Variants in R3HCC1L observed in about 807,000 individuals in gnomAD.
R3HCC1L encodes the protein coiled-coil domain-containing protein R3HCC1L.
In R3HCC1L, 51 loss-of-function variants were observed where a neutral mutation model predicts 59.9. The observed-to-expected ratio is 0.85, with a 90% CI of 0.68 to 1.07. The LOEUF (loss-of-function observed/expected upper bound fraction) is 1.07, where lower values mean the gene tolerates loss of function less well. R3HCC1L is among the 50% of genes least tolerant of loss of function. The probability of loss-of-function intolerance (pLI) is 0.00; values close to 1 mark genes in which losing one functional copy is unlikely to be tolerated. For missense variants in R3HCC1L, 965 were observed against 933.0 expected, an observed-to-expected ratio of 1.03 and a Z score of -0.45; for synonymous variants, 322 against 315.2, an observed-to-expected ratio of 1.02 and a Z score of -0.23.
At chr10:98,164,799 AAGTG>A (rs1847776367) in intron 4 of R3HCC1L, among the ~76,000 whole-genome samples, 1 of 152,144 alleles carries the variant, frequency 6.6e-6, no homozygotes. Context: ...GGAGGGGAAG[AAGTG>A]AGAGAAGAGC....
chr10:98,190,460 C>T (rs1251916482), intron 4 of R3HCC1L, among the ~76,000 whole-genome samples: 1 of 152,042 alleles, frequency 6.6e-6, no homozygotes, highest in East Asian at 1.9e-4. Context: ...ATTTTCTATG[C>T]CTGTTGTATA....
At chr10:98,170,443 A>G (rs978074830) in intron 4 of R3HCC1L, among the ~76,000 whole-genome samples, 1 of 152,026 alleles carries the variant, frequency 6.6e-6, no homozygotes, top group African/African-American at 2.4e-5. Flanking sequence ...TCAGCCTTCC[A>G]AGTAGTGAGG....
rs569736465 is a variant in R3HCC1L at position 98,193,370 on chromosome 10, C to CA, written c.-14-14723dup. Among the ~76,000 whole-genome samples the CA allele has an allele frequency of 2.4e-3, 352 of 149,186 alleles. 1 individual carries two copies. The highest frequency in any genetic ancestry group is 8.1e-3 in the African/African-American group (331 of 40,666). On this transcript the variant is annotated intron_variant, in intron 4 of 9. Transcript: ENST00000298999. ...TGACTTGGTTTTACGTGTACAAAACCAAAAAAAATAAAAAATAAAAAAAAC... is the reference window on the plus strand; with the variant it reads ...TGACTTGGTTTTACGTGTACAAAACCAAAAAAAAATAAAAAATAAAAAAAAC...
intron 4 of R3HCC1L, among the ~76,000 whole-genome samples, chr10:98,167,937 AGAAAT>A (rs1157983046): frequency 1.3e-5 from 2 of 152,194 alleles, no homozygotes; most frequent in African/African-American, 2.4e-5. Context: ...AAAGAGGAAA[AGAAAT>A]CAAGTTTAAT....
chr10:98,196,812 C>G (rs1305289292), intron 4 of R3HCC1L, among the ~76,000 whole-genome samples: 1 of 152,166 alleles, frequency 6.6e-6, no homozygotes, highest in African/African-American at 2.4e-5. Context: ...CATGTTGAAA[C>G]CTTCCAATAA....
intron 4 of R3HCC1L, among the ~76,000 whole-genome samples, chr10:98,186,090 G>C (rs1484805733): frequency 6.6e-6 from 1 of 152,218 alleles, no homozygotes; most frequent in Non-Finnish European, 1.5e-5. Flanking sequence ...GAACCTCCAA[G>C]TTTCCTTCCT....
At position 98,209,985 on chromosome 10, in the gene R3HCC1L, C is replaced by G. The variant is rs1457328185; in HGVS notation, c.1785+86C>G. On this transcript the variant is annotated intron_variant, in intron 5 of 9. Coordinates refer to ENST00000298999, the MANE Select transcript of R3HCC1L (RefSeq NM_001351015.2). ...ATTTTGATAGACAGTGATGCACATT[C>G]ACTGATATTTAAGAGTTCCTGCAAT... 7.5e-6 allele frequency: 8 copies of G among 1,064,770 alleles called. No individual in the cohort carries two copies. In the Admixed American group the frequency reaches 1.1e-4, roughly 15 times the overall value. 66.0% of individuals were successfully genotyped at this position (1,064,770 alleles called of 1,614,324 possible).
chr10:98,200,546 C>G (rs1435067477), intron 4 of R3HCC1L, among the ~76,000 whole-genome samples: 1 of 152,056 alleles, frequency 6.6e-6, no homozygotes, highest in African/African-American at 2.4e-5. Context: ...TTATTATCCC[C>G]ATTTTATGCA....
intron 5 of R3HCC1L, among the ~76,000 whole-genome samples, chr10:98,217,406 T>C (rs1356657023): frequency 6.6e-6 from 1 of 152,198 alleles, no homozygotes. Flanking sequence ...CATGCTGTTT[T>C]GGTTACTACA....
chr10:98,214,839 T>C (rs1190513675), intron 5 of R3HCC1L, among the ~76,000 whole-genome samples: 1 of 152,242 alleles, frequency 6.6e-6, no homozygotes, highest in Non-Finnish European at 1.5e-5. Flanking sequence ...GCATTTAAAA[T>C]CATTTCTGAA....
intron 5 of R3HCC1L, among the ~76,000 whole-genome samples, chr10:98,223,004 C>G (rs572870652): frequency 1.0e-3 from 154 of 152,074 alleles, no homozygotes; most frequent in African/African-American, 3.6e-3. Context: ...AGTTGAATCT[C>G]TGAATAGACC....
chr10:98,135,371 T>C (rs1169113534), intron 1 of R3HCC1L, among the ~76,000 whole-genome samples: 1 of 152,222 alleles, frequency 6.6e-6, no homozygotes, highest in Non-Finnish European at 1.5e-5. Context: ...GTAGTCTGTT[T>C]AGCGCAGCCT....
At chr10:98,233,632 A>T (rs901781764) in intron 6 of R3HCC1L, among the ~76,000 whole-genome samples, 1 of 152,208 alleles carries the variant, frequency 6.6e-6, no homozygotes, top group Non-Finnish European at 1.5e-5. Flanking sequence ...TGAGTCCATG[A>T]GCATTTTTAA....
At chr10:98,136,160 C>A (rs1844567069) in intron 1 of R3HCC1L, among the ~76,000 whole-genome samples, 1 of 151,866 alleles carries the variant, frequency 6.6e-6, no homozygotes, top group South Asian at 2.1e-4. Flanking sequence ...CTGTGCCCGA[C>A]CTCTGCGATT....
rs1180369697 is a variant in R3HCC1L, at chr10:98,163,276, T to C, written c.-119-17T>C. 7.9e-6 allele frequency: 4 copies of C among 503,276 alleles called. No individual in the cohort carries two copies. Among genetic ancestry groups the C allele is most frequent in the African/African-American group, 2.0e-5 (1 of 51,164 alleles). 31.2% of individuals were successfully genotyped at this position (503,276 alleles called of 1,614,324 possible). A position where few individuals can be genotyped will look rare whatever the true frequency, so the allele number is the denominator to read the frequency against. ...TGTGTATTTTTATAAAAATAACTTA[T>C]TATTACTATTTTTCAGGTGAGGCTG... On this transcript the variant is annotated splice_polypyrimidine_tract_variant and intron_variant, in intron 3 of 9. Transcript: ENST00000298999.
intron 5 of R3HCC1L, among the ~76,000 whole-genome samples, chr10:98,230,362 T>A (rs1397322577): frequency 6.6e-6 from 1 of 152,228 alleles, no homozygotes; most frequent in African/African-American, 2.4e-5. Context: ...TTCCAGTTTA[T>A]TTGCGTAGAG....
intron 4 of R3HCC1L, among the ~76,000 whole-genome samples, chr10:98,179,559 A>G (rs182285110): frequency 5.3e-5 from 8 of 152,186 alleles, no homozygotes; most frequent in Admixed American, 1.3e-4. Flanking sequence ...CTTTGGTATC[A>G]GGATGATGCT....
At chr10:98,160,772 T>G (rs927168335) in intron 2 of R3HCC1L, among the ~76,000 whole-genome samples, 6 of 152,172 alleles carry the variant, frequency 3.9e-5, no homozygotes, top group Non-Finnish European at 8.8e-5. Flanking sequence ...TGTCACCCAT[T>G]CCTTCTGTCC....
intron 1 of R3HCC1L, among the ~76,000 whole-genome samples, chr10:98,147,355 C>T (rs943720903): frequency 6.6e-6 from 1 of 152,092 alleles, no homozygotes; most frequent in Non-Finnish European, 1.5e-5. Flanking sequence ...TTTCTCCATT[C>T]TGTGGGTTAT....
Sources: allele counts gnomAD v4.1 joint callset (sites outside exome capture counted in the v4.1 genomes callset), GRCh38; gene constraint gnomAD v4.1.1; transcripts MANE v1.5; gene names NCBI Gene and HGNC (gene_info 2026-07-23, HGNC 2026-07-21).